Variants in DYNC2I1 observed in about 807,000 individuals in gnomAD.
DYNC2I1 encodes dynein 2 intermediate chain 1.
DYNC2I1 carries 89 observed loss-of-function variants against 133.4 expected under a neutral mutation model. That is an observed-to-expected ratio of 0.67 (90% CI 0.56 to 0.80). DYNC2I1 has a LOEUF of 0.80. DYNC2I1 is among the 30% of genes least tolerant of loss of function. The pLI is 0.00. For synonymous variants in DYNC2I1, 504 were observed against 484.3 expected (o/e 1.04, Z -0.54); for missense variants, 1,291 against 1,314.5 (o/e 0.98, Z 0.28).
chr7:158,869,073 G>A (rs1842655820), intron 1 of DYNC2I1, among the ~76,000 whole-genome samples: 1 of 152,190 alleles, frequency 6.6e-6, no homozygotes, highest in South Asian at 2.1e-4. Flanking sequence ...GCTGGTACCT[G>A]GGGCCTCGGC....
intron 11 of DYNC2I1, 26 bp from the exon 12 acceptor site, chr7:158,911,524 T>C: frequency 1.2e-6 from 2 of 1,607,804 alleles, no homozygotes; most frequent in African/African-American, 2.7e-5. Context: ...AGTTAATTTT[T>C]GTCTTGTTTC....
At chr7:158,865,511 A>G (rs986063494) in intron 1 of DYNC2I1, among the ~76,000 whole-genome samples, 1 of 152,198 alleles carries the variant, frequency 6.6e-6, no homozygotes, top group Non-Finnish European at 1.5e-5. Context: ...TTTGCTTGCC[A>G]TGTGCATGAA....
chr7:158,888,292 G>A (rs1197719402), intron 7 of DYNC2I1, among the ~76,000 whole-genome samples: 1 of 151,858 alleles, frequency 6.6e-6, no homozygotes, highest in Non-Finnish European at 1.5e-5. Flanking sequence ...CAAAGTGCTG[G>A]GATTACAGGC....
chr7:158,885,688 A>T (rs1844529698), intron 6 of DYNC2I1, among the ~76,000 whole-genome samples: 1 of 152,158 alleles, frequency 6.6e-6, no homozygotes, highest in Admixed American at 6.5e-5. Flanking sequence ...TCTTTCTGAC[A>T]ATCATATTTT....
At chr7:158,871,976 T>G (rs770538102) in intron 3 of DYNC2I1, among the ~76,000 whole-genome samples, 9 of 151,898 alleles carry the variant, frequency 5.9e-5, no homozygotes, top group East Asian at 1.9e-4. Context: ...TGTTGCGGGG[T>G]GTGTGTGTGT....
At chr7:158,897,823 G>A (rs1025452493) in intron 8 of DYNC2I1, among the ~76,000 whole-genome samples, 2 of 151,992 alleles carry the variant, frequency 1.3e-5, no homozygotes, top group African/African-American at 2.4e-5. Context: ...GTTAATCCAA[G>A]CTAGAAACTT....
intron 3 of DYNC2I1, among the ~76,000 whole-genome samples, chr7:158,874,682 C>T (rs1843191697): frequency 6.6e-6 from 1 of 152,188 alleles, no homozygotes; most frequent in Non-Finnish European, 1.5e-5. Flanking sequence ...GCCTCCTCTC[C>T]AGCAACCCCT....
the DYNC2I1 span, among the ~76,000 whole-genome samples, chr7:158,843,077 T>C: frequency 7.2e-5 from 11 of 152,340 alleles, no homozygotes; most frequent in African/African-American, 2.6e-4. Flanking sequence ...CCGCTCCACC[T>C]TGCTGAAGAT....
intron 16 of DYNC2I1, among the ~76,000 whole-genome samples, chr7:158,923,152 C>A (rs892614119): frequency 5.3e-5 from 8 of 152,126 alleles, no homozygotes; most frequent in Non-Finnish European, 1.2e-4. Flanking sequence ...TATTCCCTGG[C>A]CTCAAACCCA....
At position 158,909,852 on chromosome 7, in the gene DYNC2I1, G is replaced by A. The variant is rs527683133; in HGVS notation, c.1461-1698G>A. Among the ~76,000 whole-genome samples, 3 of 152,282 alleles carry A rather than the reference G, an allele frequency of 2.0e-5. No individual in the cohort carries two copies. In the South Asian group the frequency reaches 6.2e-4, roughly 32 times the overall value. On this transcript the variant is annotated intron_variant, in intron 11 of 24. Coordinates refer to ENST00000407559, the MANE Select transcript of DYNC2I1 (RefSeq NM_018051.5). ...TGAAAATGGAAGTTGAGAGCCTTCC[G>A]GTGGGAGAATTTCTGATAAAACATC...
At chr7:158,910,183 G>C (rs1162518680) in intron 11 of DYNC2I1, among the ~76,000 whole-genome samples, 2 of 152,264 alleles carry the variant, frequency 1.3e-5, no homozygotes, top group African/African-American at 2.4e-5. Context: ...TGAAACTTAG[G>C]AAAGGAAAAC....
At chr7:158,956,321 C>G (rs1035054634) in intron 4 of DYNC2I1, among the ~76,000 whole-genome samples, 9 of 152,238 alleles carry the variant, frequency 5.9e-5, no homozygotes, top group African/African-American at 2.2e-4. Flanking sequence ...CTCCCTTCGT[C>G]TGGGAGCAGC....
chr7:158,873,595 C>T (rs1195387067), intron 3 of DYNC2I1, among the ~76,000 whole-genome samples: 1 of 152,122 alleles, frequency 6.6e-6, no homozygotes, highest in Admixed American at 6.6e-5. Flanking sequence ...ATTTTGTTTT[C>T]TTTAAAAATA....
chr7:158,950,967 G>A (rs1277353127), downstream of DYNC2I1, among the ~76,000 whole-genome samples: 2 of 150,996 alleles, frequency 1.3e-5, no homozygotes, highest in Non-Finnish European at 2.9e-5. Flanking sequence ...CCAGGTGTGA[G>A]CACCGTGCCT....
At chr7:158,903,734 C>T (rs1041810299) in intron 10 of DYNC2I1, 3 of 152,222 alleles carry the variant, frequency 2.0e-5, no homozygotes, top group African/African-American at 7.2e-5. Flanking sequence ...GCCACCAGCA[C>T]ACAGGATTTC....
At chr7:158,947,016 G>A (rs890091323), downstream of DYNC2I1, among the ~76,000 whole-genome samples, 27 of 152,248 alleles carry the variant, frequency 1.8e-4, no homozygotes, top group African/African-American at 6.5e-4. Context: ...GCAACCGCCA[G>A]CCTTTCTTTG....
chr7:158,904,864 G>A (rs1011075272), intron 10 of DYNC2I1: 12 of 229,546 alleles, frequency 5.2e-5, no homozygotes, highest in Non-Finnish European at 7.8e-5. Context: ...ATTGCTGGCC[G>A]TAAAGCTTTG....
At chr7:158,851,297 C>T in the DYNC2I1 span, among the ~76,000 whole-genome samples, 1 of 152,070 alleles carries the variant, frequency 6.6e-6, no homozygotes, top group Non-Finnish European at 1.5e-5. Flanking sequence ...CTTTGGGAGG[C>T]CCAGGCAGAT....
chr7:158,854,917 T>G (rs1841138713), upstream of DYNC2I1, among the ~76,000 whole-genome samples: 1 of 152,224 alleles, frequency 6.6e-6, no homozygotes, highest in Admixed American at 6.5e-5. Flanking sequence ...GCAAAACATT[T>G]ACACCTGGGA....
Sources: gnomAD v4.1 joint callset for allele counts (sites outside exome capture counted in the v4.1 genomes callset) on GRCh38, gnomAD v4.1.1 for gene constraint, MANE v1.5 for transcripts, NCBI Gene and HGNC (gene_info 2026-07-23, HGNC 2026-07-21) for gene names.